The following KIAA1217 variants were observed in gnomAD, a reference collection of about 807,000 sequenced individuals.
KIAA1217 encodes KIAA1217.
Under a neutral mutation model 163.9 loss-of-function variants are expected in KIAA1217, and 88 were observed. The observed-to-expected ratio is 0.54, with a 90% CI of 0.45 to 0.64. KIAA1217 has a LOEUF of 0.64. Ranked by LOEUF, KIAA1217 falls within the 30% of genes least tolerant of loss-of-function variation. The pLI is 0.00. For synonymous variants in KIAA1217, 903 were observed against 923.1 expected (o/e 0.98, Z 0.39); for missense variants, 2,372 against 2,475.0 (o/e 0.96, Z 0.88).
intron 2 of KIAA1217, among the ~76,000 whole-genome samples, chr10:24,331,341 G>A (rs2045642475): frequency 6.6e-6 from 1 of 152,178 alleles, no homozygotes; most frequent in East Asian, 1.9e-4. Context: ...TAAGCATTTG[G>A]TCATGAAAGA....
intron 1 of KIAA1217, among the ~76,000 whole-genome samples, chr10:23,974,123 C>T (rs1454302731): frequency 2.6e-5 from 4 of 152,194 alleles, no homozygotes; most frequent in Non-Finnish European, 5.9e-5. Flanking sequence ...AGCTGTAAGG[C>T]ACCTCATTAC....
chr10:24,541,755 C>T (rs1354985766), intron 17 of KIAA1217, among the ~76,000 whole-genome samples: 1 of 152,222 alleles, frequency 6.6e-6, no homozygotes, highest in African/African-American at 2.4e-5. Flanking sequence ...GGATCCTTCA[C>T]TCCTGAATCT....
chr10:23,757,314 C>G (rs1833970110), intron 1 of KIAA1217, among the ~76,000 whole-genome samples: 1 of 152,194 alleles, frequency 6.6e-6, no homozygotes, highest in African/African-American at 2.4e-5. Flanking sequence ...TCCACAGTGA[C>G]TGTACCATTT....
intron 5 of KIAA1217, among the ~76,000 whole-genome samples, chr10:24,438,732 T>A (rs941778065): frequency 3.3e-5 from 5 of 152,226 alleles, no homozygotes; most frequent in Non-Finnish European, 5.9e-5. Flanking sequence ...TTACTTTAAA[T>A]GAATTCTGAA....
chr10:24,272,499 G>A (rs544723125), intron 2 of KIAA1217, among the ~76,000 whole-genome samples: 1 of 152,242 alleles, frequency 6.6e-6, no homozygotes, highest in South Asian at 2.1e-4. Flanking sequence ...CTACTCTAGG[G>A]AGCTCTGCAT....
At chr10:24,070,802 T>C (rs981761134) in intron 2 of KIAA1217, among the ~76,000 whole-genome samples, 6 of 149,232 alleles carry the variant, frequency 4.0e-5, no homozygotes, top group Non-Finnish European at 7.4e-5. Context: ...GGGGAAAAAC[T>C]ATTTAGAGAA....
At chr10:24,430,851 C>T (rs1389537490) in intron 3 of KIAA1217, among the ~76,000 whole-genome samples, 1 of 152,222 alleles carries the variant, frequency 6.6e-6, no homozygotes, top group Admixed American at 6.5e-5. Context: ...CCATGGCTCA[C>T]TTCCTGCTAT....
chr10:23,830,794 T>C (rs1838155128), intron 1 of KIAA1217, among the ~76,000 whole-genome samples: 1 of 149,378 alleles, frequency 6.7e-6, no homozygotes, highest in Non-Finnish European at 1.5e-5. Flanking sequence ...AGAAAATAGA[T>C]AGGTGATAGA....
intron 2 of KIAA1217, among the ~76,000 whole-genome samples, chr10:24,165,556 T>C (rs1439314622): frequency 1.3e-5 from 2 of 152,116 alleles, no homozygotes; most frequent in Non-Finnish European, 2.9e-5. Flanking sequence ...TCTGTACCCA[T>C]GGGGTATACC....
At chr10:23,800,584 AT>A (rs1276313216) in intron 1 of KIAA1217, among the ~76,000 whole-genome samples, 4 of 152,158 alleles carry the variant, frequency 2.6e-5, no homozygotes, top group Non-Finnish European at 5.9e-5. Context: ...ACACTGTGTG[AT>A]TATGGGCAGA....
intron 1 of KIAA1217, among the ~76,000 whole-genome samples, chr10:23,913,193 C>T (rs955259671): frequency 6.6e-6 from 1 of 152,046 alleles, no homozygotes; most frequent in Non-Finnish European, 1.5e-5. Flanking sequence ...AGCAGAATTC[C>T]CCCAGGGGCT....
chr10:24,247,879 T>C lies in KIAA1217; in HGVS notation c.354+27970T>C, dbSNP rs117809506. On this transcript the variant is annotated intron_variant, in intron 2 of 20. Coordinates refer to ENST00000376454, the MANE Select transcript of KIAA1217 (RefSeq NM_019590.5). ...AGACTAATGAGGACAGAAGCTTTTA[T>C]TCTTAACACCTATATTTTGCTACCA... Among the ~76,000 whole-genome samples, 431 of 152,348 alleles carry C rather than the reference T, an allele frequency of 2.8e-3. 5 individuals are homozygous for C. In the East Asian group the frequency reaches 0.055, roughly 19 times the overall value.
intron 2 of KIAA1217, among the ~76,000 whole-genome samples, chr10:24,338,605 C>G (rs1281860999): frequency 1.3e-5 from 2 of 152,184 alleles, no homozygotes; most frequent in African/African-American, 4.8e-5. Flanking sequence ...CAGTTTTGAC[C>G]TTGATACTCA....
At chr10:24,327,768 A>G (rs944421463) in intron 2 of KIAA1217, among the ~76,000 whole-genome samples, 2 of 152,090 alleles carry the variant, frequency 1.3e-5, no homozygotes, top group African/African-American at 4.8e-5. Context: ...GTGAGCCACT[A>G]GTTTTATTTT....
chr10:24,010,233 G>T (rs1382841797), intron 2 of KIAA1217, among the ~76,000 whole-genome samples: 1 of 151,580 alleles, frequency 6.6e-6, no homozygotes, highest in East Asian at 1.9e-4. Flanking sequence ...AATGATTACA[G>T]TCAATAAAGT....
At chr10:24,382,267 C>T (rs1398314506) in intron 3 of KIAA1217, among the ~76,000 whole-genome samples, 5 of 151,926 alleles carry the variant, frequency 3.3e-5, no homozygotes, top group Non-Finnish European at 5.9e-5. Context: ...GAGTCTAGCA[C>T]GTGCAAAAGA....
chr10:24,286,211 C>A (rs1383236600), intron 2 of KIAA1217, among the ~76,000 whole-genome samples: 1 of 151,728 alleles, frequency 6.6e-6, no homozygotes, highest in Non-Finnish European at 1.5e-5. Context: ...AGATCTTTTG[C>A]CCATTTTTTT....
rs571575031 is a variant in KIAA1217 at position 24,154,200 on chromosome 10, G to T, written c.-170-65426G>T. Among the ~76,000 whole-genome samples the T allele has an allele frequency of 4.0e-5, 6 of 151,668 alleles. No homozygotes were observed. The South Asian group carries it at 1.3e-3, about 32-fold the overall frequency. On this transcript the variant is annotated intron_variant, in intron 2 of 18. Coordinates refer to the KIAA1217 transcript ENST00000376462. ...TCTCGATCTCCTGACCTCGTGATCCGCCCGCCTCGGCCTCCCAAAGTGCTG... is the reference window on the plus strand; with the variant it reads ...TCTCGATCTCCTGACCTCGTGATCCTCCCGCCTCGGCCTCCCAAAGTGCTG...
intron 2 of KIAA1217, among the ~76,000 whole-genome samples, chr10:24,290,532 T>G (rs2078986169): frequency 6.6e-6 from 1 of 152,060 alleles, no homozygotes; most frequent in Admixed American, 6.5e-5. Context: ...CTTTCTTTTT[T>G]GCTAACTTTC....
Sources: gnomAD v4.1 joint callset for allele counts (sites outside exome capture counted in the v4.1 genomes callset) on GRCh38, gnomAD v4.1.1 for gene constraint, MANE v1.5 for transcripts, NCBI Gene and HGNC (gene_info 2026-07-23, HGNC 2026-07-21) for gene names.